KAZN: variants seen among roughly 807,000 people sequenced by gnomAD.
KAZN encodes kazrin.
KAZN carries 40 observed loss-of-function variants against 87.4 expected under a neutral mutation model. The observed-to-expected ratio is 0.46, with a 90% CI of 0.36 to 0.60. KAZN has a LOEUF of 0.60. Among genes scored for constraint, KAZN ranks in the 20% least tolerant of loss-of-function variants. The probability of loss-of-function intolerance (pLI) is 0.00; values close to 1 mark genes in which losing one functional copy is unlikely to be tolerated. For synonymous variants in KAZN, 466 were observed against 458.3 expected, an observed-to-expected ratio of 1.02 and a Z score of -0.22; for missense variants, 898 against 1,073.9, an observed-to-expected ratio of 0.84 and a Z score of 2.29.
At chr1:14,372,719 C>T (rs959186809) in intron 2 of KAZN, among the ~76,000 whole-genome samples, 1 of 152,194 alleles carries the variant, frequency 6.6e-6, no homozygotes, top group Admixed American at 6.5e-5. Context: ...TCTTGAGTCG[C>T]ACCCTGTGAT....
chr1:14,855,680 T>C (rs1386416949), intron 1 of KAZN, among the ~76,000 whole-genome samples: 1 of 152,216 alleles, frequency 6.6e-6, no homozygotes, highest in African/African-American at 2.4e-5. Flanking sequence ...CTAGCTCATA[T>C]TGAACTGCTC....
At chr1:14,802,531 T>A (rs1646069430) in intron 1 of KAZN, among the ~76,000 whole-genome samples, 1 of 152,100 alleles carries the variant, frequency 6.6e-6, no homozygotes, top group African/African-American at 2.4e-5. Flanking sequence ...AGTGGAGACC[T>A]GGAATGCTGC....
At chr1:14,373,856 A>AAG (rs1427560352) in intron 2 of KAZN, among the ~76,000 whole-genome samples, 2 of 152,186 alleles carry the variant, frequency 1.3e-5, no homozygotes, top group Non-Finnish European at 2.9e-5. Context: ...TTCACTAAGT[A>AAG]AGATGTAATT....
At chr1:14,512,494 T>C (rs72862043) in intron 2 of KAZN, among the ~76,000 whole-genome samples, 22,571 of 75,776 alleles carry the variant, frequency 0.3, 3,010 homozygotes, top group African/African-American at 0.5. Context: ...ACCCCAACCC[T>C]AGTTGAGAAC....
chr1:15,005,828 G>T (rs2102044888), intron 2 of KAZN, among the ~76,000 whole-genome samples: 1 of 152,220 alleles, frequency 6.6e-6, no homozygotes, highest in Middle Eastern at 3.4e-3. Flanking sequence ...AAGGGCATTA[G>T]TGTTGGCATC....
chr1:14,542,215 G>A (rs901259535), intron 2 of KAZN, among the ~76,000 whole-genome samples: 2 of 145,608 alleles, frequency 1.4e-5, no homozygotes, highest in African/African-American at 5.1e-5. Context: ...AACACCGCAT[G>A]TTCTCACTCA....
chr1:14,562,994 G>A (rs1471903493), intron 2 of KAZN, among the ~76,000 whole-genome samples: 1 of 152,186 alleles, frequency 6.6e-6, no homozygotes, highest in Non-Finnish European at 1.5e-5. Flanking sequence ...CCTTAGAAGT[G>A]GCACTTTGAC....
At chr1:14,512,477 C>A (rs1351282663) in intron 2 of KAZN, among the ~76,000 whole-genome samples, 1 of 151,040 alleles carries the variant, frequency 6.6e-6, no homozygotes, top group East Asian at 1.9e-4. Context: ...AGAGCCCCCC[C>A]ACCCCCACCC....
intron 2 of KAZN, among the ~76,000 whole-genome samples, chr1:14,429,721 C>T (rs1413590040): frequency 6.6e-6 from 1 of 152,072 alleles, no homozygotes; most frequent in Non-Finnish European, 1.5e-5. Flanking sequence ...TCATGTAATA[C>T]TCACCCCAGT....
At chr1:14,188,818 C>T (rs1489094229) in intron 2 of KAZN, among the ~76,000 whole-genome samples, 1 of 152,092 alleles carries the variant, frequency 6.6e-6, no homozygotes, top group Non-Finnish European at 1.5e-5. Flanking sequence ...TTTTTTTCCA[C>T]CACAATTGAA....
chr1:15,068,986 G>A (rs1399398910), intron 8 of KAZN, among the ~76,000 whole-genome samples: 1 of 151,796 alleles, frequency 6.6e-6, no homozygotes, highest in East Asian at 1.9e-4. Context: ...AGGAACTTAG[G>A]GCCATCTACC....
intron 2 of KAZN, among the ~76,000 whole-genome samples, chr1:14,409,936 CATAATT>C (rs1664169196): frequency 6.6e-6 from 1 of 152,010 alleles, no homozygotes; most frequent in African/African-American, 2.4e-5. Context: ...GATTAAAAGT[CATAATT>C]AAAATTGTCT....
intron 1 of KAZN, among the ~76,000 whole-genome samples, chr1:14,029,693 G>A (rs56848391): frequency 5.3e-5 from 8 of 151,832 alleles, no homozygotes; most frequent in African/African-American, 1.5e-4. Context: ...TTCTACATAC[G>A]GCTAGCCAGT....
At chr1:14,502,716 C>T (rs928246684) in intron 2 of KAZN, among the ~76,000 whole-genome samples, 2 of 152,148 alleles carry the variant, frequency 1.3e-5, no homozygotes, top group African/African-American at 4.8e-5. Context: ...GTGTGATGAC[C>T]ACAGCATCCC....
intron 2 of KAZN, among the ~76,000 whole-genome samples, chr1:14,475,103 G>A (rs929471705): frequency 5.9e-5 from 9 of 151,912 alleles, no homozygotes; most frequent in South Asian, 2.1e-4. Flanking sequence ...CATAGATGAC[G>A]GATGAATGGA....
In KAZN at chr1:15,116,615, C is replaced by G. The variant is rs1034904202; in HGVS notation, c.*1980C>G. On this transcript the variant is annotated 3_prime_UTR_variant, in exon 15 of 15. Transcript: ENST00000376030. ...AAGGAGAGGTGAGACCTCCCTCCAA[C>G]CTGGTGCCACAGGTCTCTCCCAAGC... 3 of 152,264 alleles carry G rather than the reference C, an allele frequency of 2.0e-5. No homozygotes were observed. The highest frequency in any genetic ancestry group is 4.4e-5 in the Non-Finnish European group (3 of 68,064). 9.4% of individuals were successfully genotyped at this position (152,264 alleles called of 1,614,324 possible).
At chr1:14,532,443 A>G (rs1379618632) in intron 2 of KAZN, among the ~76,000 whole-genome samples, 1 of 130,706 alleles carries the variant, frequency 7.7e-6, no homozygotes, top group African/African-American at 2.8e-5. Flanking sequence ...TCCTGGTCAA[A>G]AAACATGTGT....
chr1:14,461,096 T>A, intron 2 of KAZN, among the ~76,000 whole-genome samples: 1 of 152,184 alleles, frequency 6.6e-6, no homozygotes, highest in Non-Finnish European at 1.5e-5. Flanking sequence ...TTGTCACTGC[T>A]TTTTAAACCC....
intron 2 of KAZN, among the ~76,000 whole-genome samples, chr1:14,192,506 TAAG>T (rs1346872164): frequency 5.9e-5 from 9 of 152,142 alleles, no homozygotes; most frequent in Non-Finnish European, 1.3e-4. Flanking sequence ...CATAACTTAC[TAAG>T]AAGAAACTTG....
Sources: gnomAD v4.1 joint callset for allele counts (sites outside exome capture counted in the v4.1 genomes callset) on GRCh38, gnomAD v4.1.1 for gene constraint, MANE v1.5 for transcripts, NCBI Gene and HGNC (gene_info 2026-07-23, HGNC 2026-07-21) for gene names.